The following RPE65 variants were observed in gnomAD, a reference collection of about 807,000 sequenced individuals.
RPE65 encodes retinoid isomerohydrolase.
Under a neutral mutation model 68.5 loss-of-function variants are expected in RPE65, and 58 were observed. The ratio of observed to expected loss-of-function variants is 0.85; its 90% CI spans 0.69 to 1.05. The LOEUF is 1.05. Among genes scored for constraint, RPE65 ranks in the 50% least tolerant of loss-of-function variants. The pLI is 0.00. For synonymous variants in RPE65, 220 were observed against 222.2 expected, an observed-to-expected ratio of 0.99 and a Z score of 0.09; for missense variants, 643 against 629.9, an observed-to-expected ratio of 1.02 and a Z score of -0.22.
At chr1:68,430,281 C>T (rs1056550681) in intron 13 of RPE65, among the ~76,000 whole-genome samples, 2 of 152,164 alleles carry the variant, frequency 1.3e-5, no homozygotes, top group Admixed American at 1.3e-4. Flanking sequence ...ATAGCACCTG[C>T]TGTACATACT....
At chr1:68,444,344 T>C (rs1645925838) in intron 5 of RPE65, among the ~76,000 whole-genome samples, 187 bp downstream of exon 5, 1 of 152,216 alleles carries the variant, frequency 6.6e-6, no homozygotes, top group South Asian at 2.1e-4. Flanking sequence ...TTTCACCAAA[T>C]TACACCAATT....
chr1:68,435,713 T>C (rs1645858255), intron 10 of RPE65, among the ~76,000 whole-genome samples: 1 of 152,210 alleles, frequency 6.6e-6, no homozygotes, highest in Non-Finnish European at 1.5e-5. Flanking sequence ...ACCTGCCATA[T>C]TACTGCCCAT....
intron 2 of RPE65, among the ~76,000 whole-genome samples, chr1:68,447,247 G>GTA (rs1217972160): frequency 2.0e-5 from 3 of 152,202 alleles, no homozygotes; most frequent in Non-Finnish European, 1.5e-5. Context: ...GGAGTGAGGA[G>GTA]TAGAAGTATG....
Position 68,444,574 on chromosome 1 carries a change from A to T in RPE65, c.452T>A (p.Phe151Tyr). Residue 151 changes from phenylalanine to tyrosine, a missense_variant, in exon 5 of 14, where the codon TTT (phenylalanine) becomes TAT (tyrosine). By Grantham distance (22) the Phe-to-Tyr change is conservative. Transcript: ENST00000262340. Reference sequence around the variant, plus strand: ...GGTCTCTGGATTAATCTTTGTAATAAAGTTGGTCTCTGTGCAAGCGTAGTA... The same window carrying T: ...GGTCTCTGGATTAATCTTTGTAATATAGTTGGTCTCTGTGCAAGCGTAGTA... ...EDYYACTETNFITKINPETLE... is the reference protein window; with the variant it reads ...EDYYACTETNYITKINPETLE... 1 of 1,614,146 alleles carries T rather than the reference A, an allele frequency of 6.2e-7. No homozygotes were observed. The highest frequency in any genetic ancestry group is 8.5e-7 in the Non-Finnish European group (1 of 1,180,012).
chr1:68,436,841 C>T (rs1226576990), intron 10 of RPE65, among the ~76,000 whole-genome samples: 1 of 152,160 alleles, frequency 6.6e-6, no homozygotes, highest in Non-Finnish European at 1.5e-5. Context: ...GGATGGAAAT[C>T]TTGAAGTCAT....
intron 5 of RPE65, among the ~76,000 whole-genome samples, chr1:68,441,664 C>T (rs1390357919): frequency 1.3e-5 from 2 of 151,958 alleles, no homozygotes; most frequent in African/African-American, 4.8e-5. Flanking sequence ...ATTGGGGTTC[C>T]AGAGAGATCA....
intron 6 of RPE65, among the ~76,000 whole-genome samples, chr1:68,440,459 C>G (rs930331824): frequency 3.5e-4 from 53 of 152,064 alleles, no homozygotes; most frequent in African/African-American, 1.3e-3. Context: ...ATTTAGTACA[C>G]TCTCATATAT....
intron 6 of RPE65, 74 bp downstream of exon 6, chr1:68,440,779 T>C (rs1645896496): frequency 1.3e-6 from 2 of 1,567,110 alleles, no homozygotes. Context: ...GACATTCTTA[T>C]CTTTCTCACA....
At chr1:68,449,095 A>G (rs1645963287) in intron 1 of RPE65, among the ~76,000 whole-genome samples, 1 of 152,196 alleles carries the variant, frequency 6.6e-6, no homozygotes, top group Non-Finnish European at 1.5e-5. Flanking sequence ...GTTCCTAAAC[A>G]GGGTCCTTCC....
At chr1:68,437,030 C>T (rs933148610) in intron 10 of RPE65, among the ~76,000 whole-genome samples, 9 of 152,178 alleles carry the variant, frequency 5.9e-5, no homozygotes, top group African/African-American at 2.2e-4. Flanking sequence ...GGGCTTCTAG[C>T]CTCTGCTCTA....
At chr1:68,435,997 T>A (rs909734176) in intron 10 of RPE65, among the ~76,000 whole-genome samples, 1 of 152,234 alleles carries the variant, frequency 6.6e-6, no homozygotes, top group Admixed American at 6.5e-5. Flanking sequence ...ATGTTAGACA[T>A]TTTTTATGAT....
At chr1:68,448,264 C>T (rs547686107) in intron 2 of RPE65, among the ~76,000 whole-genome samples, 1 of 152,264 alleles carries the variant, frequency 6.6e-6, no homozygotes, top group Admixed American at 6.5e-5. Context: ...AAACCCACCA[C>T]CCTTTAATAC....
At chr1:68,433,136 G>A (rs964677679) in intron 10 of RPE65, among the ~76,000 whole-genome samples, 9 of 152,158 alleles carry the variant, frequency 5.9e-5, no homozygotes, top group African/African-American at 9.7e-5. Flanking sequence ...TGGAGCTGGC[G>A]CTAGCAGGTA....
chr1:68,449,421 CA>C (rs1571175032), intron 1 of RPE65, among the ~76,000 whole-genome samples: 3 of 152,086 alleles, frequency 2.0e-5, no homozygotes, highest in Admixed American at 6.5e-5. Flanking sequence ...AATCTCTGAC[CA>C]GACTCAATTA....
rs774211361 is a variant in RPE65, at chr1:68,431,106, G to C, written c.1409C>G (p.Pro470Arg). Residue 470 changes from proline (P) to arginine (R), a missense_variant, in exon 13 of 14, where the codon CCC (proline) becomes CGC (arginine). Transcript: ENST00000262340. The part of the protein sequence containing the change: ...WQEPDSYPSE[P>R]IFVSHPDALE... ...GGCATCTGGGTGAGAAACAAAGATGGGTTCTGATGGGTATGAATCAGGCTC... is the reference window on the plus strand; with the variant it reads ...GGCATCTGGGTGAGAAACAAAGATGCGTTCTGATGGGTATGAATCAGGCTC... 1 of 1,613,736 alleles carries C rather than the reference G, an allele frequency of 6.2e-7. No individual in the cohort carries two copies. The highest frequency in any genetic ancestry group is 8.5e-7 in the Non-Finnish European group (1 of 1,179,796).
In RPE65 at chr1:68,444,855, C is replaced by A. The variant is rs778323735; in HGVS notation, c.274G>T (p.Ala92Ser). Residue 92 changes from alanine to serine, a missense_variant, in exon 4 of 14, where the codon GCA becomes TCA. Ala to Ser is a moderately conservative substitution (Grantham distance 99). Transcript: ENST00000262340. ...RFIRTDAYVR[A>S]MTEKRIVITE... ...ATGACGATCCTTTTCTCAGTCATTG[C>A]CCGTACGTAAGCATCAGTGCGGATG... 1 of 1,614,030 alleles carries A rather than the reference C, an allele frequency of 6.2e-7. No individual in the cohort carries two copies. Among genetic ancestry groups the A allele is most frequent in the Non-Finnish European group, 8.5e-7 (1 of 1,180,008 alleles).
chr1:68,438,961 C>G lies in RPE65; in HGVS notation c.979G>C (p.Asp327His). 1 of 1,613,998 alleles carries G rather than the reference C, an allele frequency of 6.2e-7. No individual in the cohort carries two copies. The highest frequency in any genetic ancestry group is 8.5e-7 in the Non-Finnish European group (1 of 1,179,946). The change falls in exon 9 of 14, where the codon GAT becomes CAT. Residue 327 changes from aspartate (D) to histidine (H), a missense_variant. Coordinates refer to ENST00000262340, the MANE Select transcript of RPE65 (RefSeq NM_000329.3). ...TCTTACCCTTTCCAGCAGCAGAGATCCACAATCAGAAACCCATTGTCTTCA... is the reference window on the plus strand; with the variant it reads ...TCTTACCCTTTCCAGCAGCAGAGATGCACAATCAGAAACCCATTGTCTTCA... Reference protein sequence around the residue: ...TYEDNGFLIVDLCCWKGFEFV... With the variant: ...TYEDNGFLIVHLCCWKGFEFV...
At chr1:68,442,801 CTACACACACACTTGTATATGGT>C (rs1248465328) in intron 5 of RPE65, among the ~76,000 whole-genome samples, 1 of 152,160 alleles carries the variant, frequency 6.6e-6, no homozygotes, top group East Asian at 1.9e-4. Context: ...TCTAAAGGAG[CTACACACACACTTGTATATGGT>C]TACACACACA....
At chr1:68,447,025 G>T (rs568717074) in intron 2 of RPE65, among the ~76,000 whole-genome samples, 165 bp from the exon 3 acceptor site, 6 of 152,268 alleles carry the variant, frequency 3.9e-5, no homozygotes, top group Admixed American at 3.9e-4. Flanking sequence ...CTTAGAAAAT[G>T]TCTGCTGACT....
Sources: allele counts gnomAD v4.1 joint callset (sites outside exome capture counted in the v4.1 genomes callset), GRCh38; gene constraint gnomAD v4.1.1; transcripts MANE v1.5; gene names NCBI Gene and HGNC (gene_info 2026-07-23, HGNC 2026-07-21).